The following SLC24A3 variants were observed in gnomAD, a reference collection of about 807,000 sequenced individuals.
The protein encoded by SLC24A3 is solute carrier family 24 member 3.
In SLC24A3, 28 loss-of-function variants were observed where a neutral mutation model predicts 75.8. The ratio of observed to expected loss-of-function variants is 0.37; its 90% CI spans 0.27 to 0.51. The LOEUF (loss-of-function observed/expected upper bound fraction) is 0.51. Among genes scored for constraint, SLC24A3 ranks in the 20% least tolerant of loss-of-function variants. The probability of loss-of-function intolerance (pLI) is 0.94; values close to 1 mark genes in which losing one functional copy is unlikely to be tolerated. For synonymous variants in SLC24A3, 372 were observed against 334.1 expected (o/e 1.11, Z -1.24); for missense variants, 663 against 847.8 (o/e 0.78, Z 2.71).
chr20:19,289,443 G>T (rs1983887938), intron 2 of SLC24A3, among the ~76,000 whole-genome samples: 1 of 152,146 alleles, frequency 6.6e-6, no homozygotes, highest in Non-Finnish European at 1.5e-5. Flanking sequence ...TGTACTCATG[G>T]CTTGCTCTGC....
At chr20:19,230,061 GA>G (rs1334982401) in intron 1 of SLC24A3, among the ~76,000 whole-genome samples, 1 of 124,756 alleles carries the variant, frequency 8.0e-6, no homozygotes, top group Non-Finnish European at 1.6e-5. Context: ...TCCCATAATA[GA>G]TTTTTTTTTT....
chr20:19,658,600 C>T (rs1052165547), intron 7 of SLC24A3, among the ~76,000 whole-genome samples: 1 of 152,164 alleles, frequency 6.6e-6, no homozygotes, highest in African/African-American at 2.4e-5. Context: ...GGCCCTTCCC[C>T]AGCCCCAGTC....
At chr20:19,640,192 C>A (rs896150154) in intron 6 of SLC24A3, among the ~76,000 whole-genome samples, 1 of 152,238 alleles carries the variant, frequency 6.6e-6, no homozygotes, top group African/African-American at 2.4e-5. Flanking sequence ...CACGCTGTCA[C>A]CTCTCAGTAG....
intron 2 of SLC24A3, among the ~76,000 whole-genome samples, chr20:19,368,920 T>C (rs1192691168): frequency 1.3e-5 from 2 of 152,108 alleles, no homozygotes; most frequent in African/African-American, 4.8e-5. Context: ...TTATAATCCA[T>C]AGAGTAAAAT....
rs147155334 is a variant in SLC24A3 at position 19,452,452 on chromosome 20, A to G, written c.272-63036A>G. 4.3e-3 allele frequency among the ~76,000 whole-genome samples: 542 copies of G among 126,824 alleles called. 6 individuals are homozygous for G. Among genetic ancestry groups the G allele is most frequent in the African/African-American group, 0.015 (505 of 34,392 alleles). The allele number at this position is 126,824 out of a possible 152,430, so 83.2% of individuals were successfully genotyped here. A position where few individuals can be genotyped will look rare whatever the true frequency, so the allele number is the denominator to read the frequency against. On this transcript the variant is annotated intron_variant, in intron 2 of 16. Transcript: ENST00000328041. Reference sequence around the variant, plus strand: ...GGGGAAGTAAGGTGGTGGGGAGGAGAGTCCTTAGAGAAAGGAAGGGAGAAT... The same window carrying G: ...GGGGAAGTAAGGTGGTGGGGAGGAGGGTCCTTAGAGAAAGGAAGGGAGAAT...
At chr20:19,669,557 G>A (rs371120452) in intron 8 of SLC24A3, among the ~76,000 whole-genome samples, 1 of 151,970 alleles carries the variant, frequency 6.6e-6, no homozygotes, top group South Asian at 2.1e-4. Flanking sequence ...ATGTATGCTC[G>A]ACCCACAGAG....
intron 2 of SLC24A3, among the ~76,000 whole-genome samples, chr20:19,513,826 A>C (rs1421195937): frequency 6.6e-6 from 1 of 152,026 alleles, no homozygotes; most frequent in Non-Finnish European, 1.5e-5. Context: ...TGATATACAG[A>C]TACATTGTGA....
At chr20:19,590,923 G>T (rs1037125487) in intron 6 of SLC24A3, among the ~76,000 whole-genome samples, 1 of 152,186 alleles carries the variant, frequency 6.6e-6, no homozygotes, top group Non-Finnish European at 1.5e-5. Context: ...GCCTCCAGCA[G>T]TTGGTCCAGG....
intron 3 of SLC24A3, among the ~76,000 whole-genome samples, chr20:19,519,246 G>A (rs1232857581): frequency 6.6e-6 from 1 of 152,180 alleles, no homozygotes; most frequent in Non-Finnish European, 1.5e-5. Context: ...CTCAGTCTGG[G>A]TAGAAGTCTG....
At chr20:19,270,827 A>G (rs542438828) in intron 1 of SLC24A3, among the ~76,000 whole-genome samples, 18 of 152,066 alleles carry the variant, frequency 1.2e-4, no homozygotes, top group Non-Finnish European at 1.6e-4. Flanking sequence ...AGAGAGAGAT[A>G]CTAGAAGAGA....
intron 2 of SLC24A3, among the ~76,000 whole-genome samples, chr20:19,427,640 G>A (rs1600476883): frequency 6.6e-6 from 1 of 152,296 alleles, no homozygotes; most frequent in Non-Finnish European, 1.5e-5. Flanking sequence ...CATTCCCACT[G>A]CCGTGCCTCT....
At chr20:19,714,351 G>A (rs1255757337) in intron 15 of SLC24A3, among the ~76,000 whole-genome samples, 6 of 147,816 alleles carry the variant, frequency 4.1e-5, no homozygotes, top group Admixed American at 1.4e-4. Flanking sequence ...GCTACAGTGA[G>A]CTATGATTTC....
At chr20:19,704,006 C>T (rs1022717431) in intron 15 of SLC24A3, among the ~76,000 whole-genome samples, 1 of 152,226 alleles carries the variant, frequency 6.6e-6, no homozygotes, top group Non-Finnish European at 1.5e-5. Flanking sequence ...AAAGTGCTTA[C>T]CTTTACCCCT....
chr20:19,421,912 A>G (rs999329056), intron 2 of SLC24A3, among the ~76,000 whole-genome samples: 1 of 152,112 alleles, frequency 6.6e-6, no homozygotes, highest in African/African-American at 2.4e-5. Flanking sequence ...AACTCTTCGC[A>G]CCTGGCTGTC....
chr20:19,482,685 C>T (rs1363520836), intron 2 of SLC24A3, among the ~76,000 whole-genome samples: 1 of 152,168 alleles, frequency 6.6e-6, no homozygotes, highest in African/African-American at 2.4e-5. Context: ...CATTTCCTTT[C>T]CCATTGGAGG....
chr20:19,263,252 T>TGTG (rs1234962448), intron 1 of SLC24A3, among the ~76,000 whole-genome samples: 1 of 151,984 alleles, frequency 6.6e-6, no homozygotes, highest in Non-Finnish European at 1.5e-5. Flanking sequence ...GGAGAGAGAA[T>TGTG]GTGGGCTGGA....
intron 6 of SLC24A3, among the ~76,000 whole-genome samples, chr20:19,624,797 C>G (rs2031847890): frequency 6.6e-6 from 1 of 152,202 alleles, no homozygotes; most frequent in Non-Finnish European, 1.5e-5. Context: ...GTCAGTCATA[C>G]AGCTCCCACT....
chr20:19,297,205 C>T (rs1984083075), intron 2 of SLC24A3, among the ~76,000 whole-genome samples: 1 of 152,188 alleles, frequency 6.6e-6, no homozygotes, highest in African/African-American at 2.4e-5. Context: ...GAAGTCAACC[C>T]ATTCCCTCTC....
intron 6 of SLC24A3, among the ~76,000 whole-genome samples, chr20:19,614,771 T>C (rs2031714943): frequency 6.6e-6 from 1 of 152,202 alleles, no homozygotes; most frequent in African/African-American, 2.4e-5. Context: ...TTTGCCTCTT[T>C]TCCTAAGTGG....
Sources: gnomAD v4.1 joint callset for allele counts (sites outside exome capture counted in the v4.1 genomes callset) on GRCh38, gnomAD v4.1.1 for gene constraint, MANE v1.5 for transcripts, NCBI Gene and HGNC (gene_info 2026-07-23, HGNC 2026-07-21) for gene names.